AK8: variants seen among roughly 807,000 people sequenced by gnomAD.
AK8 encodes adenylate kinase 8.
In AK8, 44 loss-of-function variants were observed where a neutral mutation model predicts 54.6. That is an observed-to-expected ratio of 0.81 (90% CI 0.63 to 1.04). The LOEUF (loss-of-function observed/expected upper bound fraction) is 1.04. Ranked by LOEUF, AK8 falls within the 50% of genes least tolerant of loss-of-function variation. The pLI is 0.00. For synonymous variants in AK8, 239 were observed against 245.6 expected (o/e 0.97, Z 0.25); for missense variants, 555 against 613.6 (o/e 0.90, Z 1.01).
intron 11 of AK8, among the ~76,000 whole-genome samples, chr9:132,750,566 A>G (rs1837869227): frequency 6.6e-6 from 1 of 151,966 alleles, no homozygotes; most frequent in Non-Finnish European, 1.5e-5. Flanking sequence ...CTTTCATTCC[A>G]GGAAAACCAC....
chr9:132,733,754 G>T (rs1050786572), intron 11 of AK8, among the ~76,000 whole-genome samples: 4 of 152,212 alleles, frequency 2.6e-5, no homozygotes, highest in Non-Finnish European at 5.9e-5. Flanking sequence ...TTTGTTTTCT[G>T]CTGTTTATTA....
chr9:132,815,697 C>T (rs368527750), intron 9 of AK8, among the ~76,000 whole-genome samples: 21 of 152,370 alleles, frequency 1.4e-4, no homozygotes, highest in South Asian at 8.3e-4. Context: ...GAGCTAGGGC[C>T]GGCACAAAGG....
Position 132,814,846 on chromosome 9 carries a change from T to C in AK8, c.890-119A>G, listed in dbSNP as rs576295372. On this transcript the variant is annotated intron_variant, in intron 9 of 12. Transcript: ENST00000298545. Reference sequence around the variant, plus strand: ...AAAAAAAAGGTCACTGAAAAAAGCATAAAAGGGTTTTTCTGTGTGTGGGTA... The same window carrying C: ...AAAAAAAAGGTCACTGAAAAAAGCACAAAAGGGTTTTTCTGTGTGTGGGTA... 7 of 785,170 alleles carry C rather than the reference T, an allele frequency of 8.9e-6. No individual in the cohort carries two copies. The East Asian group carries it at 1.9e-4, about 22-fold the overall frequency. 48.6% of individuals were successfully genotyped at this position (785,170 alleles called of 1,614,324 possible).
intron 11 of AK8, among the ~76,000 whole-genome samples, chr9:132,751,995 C>A (rs1837949559): frequency 6.6e-6 from 1 of 151,762 alleles, no homozygotes; most frequent in Admixed American, 6.6e-5. Context: ...TGCAGCACCA[C>A]ACCTGACTAA....
intron 9 of AK8, among the ~76,000 whole-genome samples, chr9:132,820,555 C>T (rs1231575226): frequency 1.3e-5 from 2 of 152,204 alleles, no homozygotes; most frequent in East Asian, 3.8e-4. Flanking sequence ...CCTTACATAT[C>T]TGAGTGTTGG....
intron 4 of AK8, chr9:132,861,633 TAA>T (rs1346470102): frequency 6.6e-6 from 1 of 152,230 alleles, no homozygotes; most frequent in Non-Finnish European, 1.5e-5. Context: ...AGTGGCAACG[TAA>T]GAGAATTCTG....
At chr9:132,806,749 A>G (rs385063) in intron 10 of AK8, among the ~76,000 whole-genome samples, 42,911 of 152,022 alleles carry the variant, frequency 0.28, 6,210 homozygotes, top group East Asian at 0.49. Context: ...TCTGATCCAC[A>G]CCTCCTGGGA....
At chr9:132,778,395 G>A (rs1290647801) in intron 11 of AK8, among the ~76,000 whole-genome samples, 1 of 152,068 alleles carries the variant, frequency 6.6e-6, no homozygotes, top group African/African-American at 2.4e-5. Flanking sequence ...CCTAGTTCAG[G>A]CCTCCATTAA....
At chr9:132,810,019 C>T (rs113196857) in intron 10 of AK8, among the ~76,000 whole-genome samples, 2 of 152,334 alleles carry the variant, frequency 1.3e-5, no homozygotes, top group African/African-American at 4.8e-5. Flanking sequence ...GTGGTTCCAG[C>T]GCTCCTGCTC....
intron 5 of AK8, among the ~76,000 whole-genome samples, chr9:132,835,116 C>T (rs897827681): frequency 2.6e-5 from 4 of 152,168 alleles, no homozygotes; most frequent in South Asian, 2.1e-4. Context: ...ATGATCCACC[C>T]GCCTTAGCTG....
chr9:132,744,440 A>C (rs1837543291), intron 11 of AK8, among the ~76,000 whole-genome samples: 1 of 150,756 alleles, frequency 6.6e-6, no homozygotes, highest in Admixed American at 6.6e-5. Flanking sequence ...AAAAGGATAG[A>C]TGCTGTTTTC....
intron 9 of AK8, 77 bp from the exon 10 acceptor site, chr9:132,814,804 G>C: frequency 2.3e-6 from 3 of 1,292,060 alleles, no homozygotes; most frequent in South Asian, 2.7e-5. Context: ...AACCCCCAGT[G>C]CTGCCTGCTG....
chr9:132,811,826 A>G (rs1841029335), intron 10 of AK8, among the ~76,000 whole-genome samples: 1 of 152,200 alleles, frequency 6.6e-6, no homozygotes, highest in African/African-American at 2.4e-5. Context: ...TTTTAGTATT[A>G]TTGAAGGACT....
chr9:132,871,717 T>C (rs1436430340), intron 2 of AK8, among the ~76,000 whole-genome samples: 1 of 152,084 alleles, frequency 6.6e-6, no homozygotes, highest in Non-Finnish European at 1.5e-5. Context: ...CAAGGGCTCC[T>C]TGGAGGGAGC....
intron 11 of AK8, among the ~76,000 whole-genome samples, chr9:132,775,232 T>C (rs1372529817): frequency 2.0e-5 from 3 of 151,984 alleles, no homozygotes; most frequent in African/African-American, 7.2e-5. Context: ...TAGGAAAAAA[T>C]GTTAAGTGGT....
chr9:132,782,939 T>C (rs1839540528), intron 11 of AK8, among the ~76,000 whole-genome samples: 1 of 152,214 alleles, frequency 6.6e-6, no homozygotes, highest in South Asian at 2.1e-4. Flanking sequence ...TCTAGGGATA[T>C]AATTCAGAGT....
chr9:132,862,321 TTC>T (rs959857354), intron 4 of AK8, among the ~76,000 whole-genome samples: 2 of 151,388 alleles, frequency 1.3e-5, no homozygotes, highest in Non-Finnish European at 2.9e-5. Context: ...TCACACCCCT[TTC>T]TCTCTCTTTT....
At position 132,791,162 on chromosome 9, in the gene AK8, G is replaced by A. The variant is rs923806251; in HGVS notation, c.1121+1472C>T. Among the ~76,000 whole-genome samples the A allele has an allele frequency of 3.3e-5, 5 of 152,292 alleles. No individual in the cohort carries two copies. The highest frequency in any genetic ancestry group is 9.6e-5 in the African/African-American group (4 of 41,558). ...TTCCACATGGCTGGGGAGGCCTCAG[G>A]AAACTTACAGTCATGGCAAAAGGTA... On this transcript the variant is annotated intron_variant, in intron 11 of 12. Transcript: ENST00000298545. The surrounding 1 kb of genome is among the most constrained non-coding windows in gnomAD (Gnocchi z 4.0).
intron 5 of AK8, among the ~76,000 whole-genome samples, chr9:132,847,554 C>T (rs1273579521): frequency 1.3e-5 from 2 of 152,208 alleles, no homozygotes; most frequent in Non-Finnish European, 2.9e-5. Flanking sequence ...CACAGACAGC[C>T]CCCACCCCTG....
Sources: gnomAD v4.1 joint callset for allele counts (sites outside exome capture counted in the v4.1 genomes callset) on GRCh38, gnomAD v4.1.1 for gene constraint, Gnocchi (gnomAD v3.1) non-coding constraint, MANE v1.5 for transcripts, NCBI Gene and HGNC (gene_info 2026-07-23, HGNC 2026-07-21) for gene names.